The following FHIP1A variants were observed in gnomAD, a reference collection of about 807,000 sequenced individuals.
FHIP1A encodes the protein FHF complex subunit HOOK interacting protein 1A, also known as FHF complex subunit HOOK-interacting protein 1A.
In FHIP1A, 61 loss-of-function variants were observed where a neutral mutation model predicts 88.6. The observed-to-expected ratio is 0.69, with a 90% CI of 0.56 to 0.85. The LOEUF is 0.85. FHIP1A is among the 40% of genes least tolerant of loss of function. The pLI is 0.00. For synonymous variants in FHIP1A, 478 were observed against 496.0 expected (o/e 0.96, Z 0.48); for missense variants, 1,154 against 1,273.5 (o/e 0.91, Z 1.43).
intron 3 of FHIP1A, among the ~76,000 whole-genome samples, chr4:151,519,238 A>G (rs1194810766): frequency 6.6e-6 from 1 of 152,092 alleles, no homozygotes; most frequent in African/African-American, 2.4e-5. Context: ...TTCCCAGTCA[A>G]TCCCTACCTC....
At chr4:151,498,252 C>T (rs1730530674) in intron 3 of FHIP1A, among the ~76,000 whole-genome samples, 1 of 152,136 alleles carries the variant, frequency 6.6e-6, no homozygotes, top group South Asian at 2.1e-4. Flanking sequence ...ATTGAGGAAC[C>T]CTGGGCTAAA....
intron 1 of FHIP1A, among the ~76,000 whole-genome samples, chr4:151,451,842 G>T (rs1303483998): frequency 6.8e-6 from 1 of 146,386 alleles, no homozygotes; most frequent in Non-Finnish European, 1.5e-5. Flanking sequence ...TTTGAAACAG[G>T]GTTTTGCTCT....
chr4:151,543,322 C>A (rs1423622529), intron 3 of FHIP1A, among the ~76,000 whole-genome samples: 1 of 152,164 alleles, frequency 6.6e-6, no homozygotes, highest in East Asian at 1.9e-4. Context: ...GAACCCCCTC[C>A]AAAACTGTAT....
At chr4:151,438,920 A>G (rs1728306689) in intron 1 of FHIP1A, among the ~76,000 whole-genome samples, 1 of 152,192 alleles carries the variant, frequency 6.6e-6, no homozygotes, top group Non-Finnish European at 1.5e-5. Flanking sequence ...TGTTTAAAAA[A>G]GAAAGGTTAC....
chr4:151,562,323 A>G (rs1733204812), intron 3 of FHIP1A, among the ~76,000 whole-genome samples: 1 of 152,138 alleles, frequency 6.6e-6, no homozygotes, highest in Non-Finnish European at 1.5e-5. Flanking sequence ...CATCAAGTAT[A>G]AGGTAGTGGT....
At chr4:151,611,707 A>AT (rs1376640402) in intron 7 of FHIP1A, among the ~76,000 whole-genome samples, 1 of 152,114 alleles carries the variant, frequency 6.6e-6, no homozygotes, top group African/African-American at 2.4e-5. Flanking sequence ...ATTAGAATCC[A>AT]TTTCAGTTTC....
At chr4:151,509,302 A>G (rs1182635222) in intron 3 of FHIP1A, among the ~76,000 whole-genome samples, 1 of 152,100 alleles carries the variant, frequency 6.6e-6, no homozygotes, top group African/African-American at 2.4e-5. Flanking sequence ...AGCTGGGACT[A>G]CAGGCACCCG....
intron 3 of FHIP1A, among the ~76,000 whole-genome samples, chr4:151,496,931 A>G (rs984784055): frequency 1.3e-5 from 2 of 151,840 alleles, no homozygotes; most frequent in African/African-American, 2.4e-5. Context: ...AAAACATGTT[A>G]AATATAAACC....
Position 151,586,794 on chromosome 4 carries a change from A to G in FHIP1A, c.886A>G (p.Ile296Val). Residue 296 changes from isoleucine to valine, a missense_variant, in exon 6 of 14, where the codon ATA becomes GTA. Physicochemically the swap from Ile to Val is conservative, Grantham distance 29 (BLOSUM62 3). Coordinates refer to ENST00000435205, the MANE Select transcript of FHIP1A (RefSeq NM_001109977.3). The part of the protein sequence containing the change: ...MNSLEFCNAV[I>V]QVAHPLIRNQ... The stretch of plus-strand genomic sequence containing the variant: ...CTCCCTGGAGTTTTGCAATGCAGTC[A>G]TACAGGTACCAGAGCACAATAAAGG... The G allele has an allele frequency of 6.5e-7, 1 of 1,548,136 alleles. No individual in the cohort carries two copies.
At chr4:151,517,922 T>G (rs954632883) in intron 3 of FHIP1A, among the ~76,000 whole-genome samples, 2 of 152,164 alleles carry the variant, frequency 1.3e-5, no homozygotes, top group African/African-American at 4.8e-5. Flanking sequence ...AGTCAAAAAG[T>G]TCAAAAAATT....
chr4:151,443,813 A>G (rs1728498026), intron 1 of FHIP1A, among the ~76,000 whole-genome samples: 1 of 151,796 alleles, frequency 6.6e-6, no homozygotes, highest in South Asian at 2.1e-4. Flanking sequence ...AATTCGCATC[A>G]GAAGCCTTCA....
At chr4:151,411,209 C>T (rs1465443752) in intron 1 of FHIP1A, among the ~76,000 whole-genome samples, 1 of 152,150 alleles carries the variant, frequency 6.6e-6, no homozygotes, top group Non-Finnish European at 1.5e-5. Flanking sequence ...AATACTTTCT[C>T]TGCTAAGTTC....
intron 7 of FHIP1A, among the ~76,000 whole-genome samples, chr4:151,616,336 G>C (rs1280014458): frequency 6.6e-6 from 1 of 151,936 alleles, no homozygotes; most frequent in African/African-American, 2.4e-5. Flanking sequence ...TTACTCCTGT[G>C]GGCAAACATT....
At position 151,649,980 on chromosome 4, in the gene FHIP1A, C is replaced by T. The variant is rs1025361781; in HGVS notation, c.1939C>T (p.Leu647=). 7 of 1,551,484 alleles carry T rather than the reference C, an allele frequency of 4.5e-6. No individual in the cohort carries two copies. The African/African-American group carries it at 9.6e-5, about 21-fold the overall frequency. Reference sequence around the variant, plus strand: ...TCAGGATGATGTGATGGTGTACAGGCTGTGTGCTGAGAAGGACTCCGAGGA... The same window carrying T: ...TCAGGATGATGTGATGGTGTACAGGTTGTGTGCTGAGAAGGACTCCGAGGA... ...DFQDDVMVYR[L]CAEKDSEDMK... is the part of the protein sequence containing the mutation. The change falls in exon 11 of 14, where the codon CTG becomes TTG. Residue 647 remains leucine, a synonymous_variant. Coordinates refer to ENST00000435205, the MANE Select transcript of FHIP1A (RefSeq NM_001109977.3).
chr4:151,597,662 G>A (rs1734702068), intron 7 of FHIP1A, among the ~76,000 whole-genome samples: 2 of 152,174 alleles, frequency 1.3e-5, no homozygotes, highest in Non-Finnish European at 2.9e-5. Context: ...CTTTCCCAGG[G>A]AGATGGGAGT....
At chr4:151,475,864 C>A (rs961550847) in intron 2 of FHIP1A, among the ~76,000 whole-genome samples, 56 of 133,562 alleles carry the variant, frequency 4.2e-4, no homozygotes, top group Non-Finnish European at 8.0e-4. Flanking sequence ...TCTCTATTAT[C>A]GATTTTTTTT....
At chr4:151,427,919 G>A (rs1309132601) in intron 1 of FHIP1A, among the ~76,000 whole-genome samples, 1 of 152,086 alleles carries the variant, frequency 6.6e-6, no homozygotes, top group Non-Finnish European at 1.5e-5. Flanking sequence ...TATGAAACTC[G>A]ATGGTGATTA....
intron 1 of FHIP1A, among the ~76,000 whole-genome samples, chr4:151,427,810 G>A (rs753163974): frequency 3.1e-4 from 47 of 152,112 alleles, no homozygotes; most frequent in Non-Finnish European, 5.4e-4. Flanking sequence ...TTCCATGTGA[G>A]TAAAATCATT....
At chr4:151,598,300 C>G (rs960280120) in intron 7 of FHIP1A, among the ~76,000 whole-genome samples, 1 of 152,174 alleles carries the variant, frequency 6.6e-6, no homozygotes, top group Admixed American at 6.5e-5. Flanking sequence ...TTCCCCGACT[C>G]CTCGAGCTTC....
Sources: gnomAD v4.1 joint callset for allele counts (sites outside exome capture counted in the v4.1 genomes callset) on GRCh38, gnomAD v4.1.1 for gene constraint, MANE v1.5 for transcripts, NCBI Gene and HGNC (gene_info 2026-07-23, HGNC 2026-07-21) for gene names.